Variants in GRIP2 observed in about 807,000 individuals in gnomAD.
The protein encoded by GRIP2 is glutamate receptor interacting protein 2.
A neutral mutation model predicts 108.3 loss-of-function variants in GRIP2; 58 were observed. The ratio of observed to expected loss-of-function variants is 0.54; its 90% CI spans 0.43 to 0.67. GRIP2 has a LOEUF of 0.67. GRIP2 is among the 30% of genes least tolerant of loss of function. The pLI is 0.00. For synonymous variants in GRIP2, 586 were observed against 598.2 expected, an observed-to-expected ratio of 0.98 and a Z score of 0.30; for missense variants, 1,278 against 1,430.6, an observed-to-expected ratio of 0.89 and a Z score of 1.72.
chr3:14,518,401 C>A (rs1265935273), intron 9 of GRIP2, among the ~76,000 whole-genome samples: 2 of 152,214 alleles, frequency 1.3e-5, no homozygotes, highest in Non-Finnish European at 2.9e-5. Context: ...ACAGCCTTTG[C>A]TCCAGGGCTT....
chr3:14,504,772 T>A (rs768221125), intron 20 of GRIP2, among the ~76,000 whole-genome samples: 1 of 152,188 alleles, frequency 6.6e-6, no homozygotes, highest in Non-Finnish European at 1.5e-5. Flanking sequence ...CTGAGCTAAG[T>A]CCTCTGCTGG....
chr3:14,580,737 C>T, the GRIP2 span, among the ~76,000 whole-genome samples: 1 of 152,170 alleles, frequency 6.6e-6, no homozygotes, highest in South Asian at 2.1e-4. Flanking sequence ...CCCAAAAACC[C>T]ACTTGACCAG....
rs534003519 is a variant in GRIP2, at chr3:14,500,252, A to G, written c.2679+3314T>C. 9.2e-5 allele frequency among the ~76,000 whole-genome samples: 14 copies of G among 152,322 alleles called. No homozygotes were observed. The South Asian group carries it at 2.7e-3, about 29-fold the overall frequency. ...AAATATGAAGGAAAAGTTAAGAGAC[A>G]TGGAGGGTAGAATGCATGGAGGACA... is the stretch of plus-strand genomic sequence containing the variant. On this transcript the variant is annotated intron_variant, in intron 21 of 23. Coordinates refer to ENST00000621039, the MANE Select transcript of GRIP2 (RefSeq NM_001080423.4).
At chr3:14,601,503 A>T in the GRIP2 span, among the ~76,000 whole-genome samples, 323 of 152,208 alleles carry the variant, frequency 2.1e-3, 1 homozygote, top group Admixed American at 2.4e-3. Context: ...TCTACCCTAA[A>T]GCTGCTCCAT....
intron 1 of GRIP2, among the ~76,000 whole-genome samples, chr3:14,532,800 G>C (rs1694744029): frequency 6.6e-6 from 1 of 151,866 alleles, no homozygotes; most frequent in Non-Finnish European, 1.5e-5. Context: ...CTGTAGAGTT[G>C]AGGGCGGGGC....
chr3:14,529,266 G>A (rs1694645600), intron 1 of GRIP2, among the ~76,000 whole-genome samples: 1 of 134,904 alleles, frequency 7.4e-6, no homozygotes, highest in African/African-American at 3.0e-5. Flanking sequence ...GCGACAGAGT[G>A]AGACTCCGTC....
At chr3:14,503,739 C>A (rs894649216) in intron 20 of GRIP2, 68 bp from the exon 21 acceptor site, 4 of 728,394 alleles carry the variant, frequency 5.5e-6, no homozygotes, top group Non-Finnish European at 8.0e-6. Context: ...CCTGAGGAGT[C>A]TTCGGGGCCC....
intron 1 of GRIP2, among the ~76,000 whole-genome samples, chr3:14,534,755 G>T (rs1485130711): frequency 6.6e-6 from 1 of 152,200 alleles, no homozygotes; most frequent in South Asian, 2.1e-4. Flanking sequence ...TGCAGCCGGG[G>T]TGGGTGGCCT....
the GRIP2 span, among the ~76,000 whole-genome samples, chr3:14,584,181 C>A: frequency 2.6e-5 from 4 of 152,334 alleles, no homozygotes; most frequent in African/African-American, 4.8e-5. Flanking sequence ...CTGTGACAAG[C>A]TGGAGAGAAA....
At chr3:14,541,106 T>G (rs1694960007), upstream of GRIP2, among the ~76,000 whole-genome samples, 1 of 152,232 alleles carries the variant, frequency 6.6e-6, no homozygotes, top group African/African-American at 2.4e-5. Flanking sequence ...CCTTGCACAC[T>G]CCTGGGATTC....
At chr3:14,596,273 CAG>C in the GRIP2 span, among the ~76,000 whole-genome samples, 1 of 152,234 alleles carries the variant, frequency 6.6e-6, no homozygotes, top group African/African-American at 2.4e-5. Context: ...CTTTGAGTAT[CAG>C]AGGCATCAAA....
In GRIP2 at chr3:14,506,912, C is replaced by A; in HGVS notation, c.2287G>T (p.Ala763Ser). ...TSDADEDPAD[A>S]LKGGLPAARF... ...GCTGCTGGCAGGCCTCCTTTCAGGG[C>A]ATCTGCTGGGTCCTCATCAGCATCA... Residue 763 changes from alanine to serine, a missense_variant, in exon 19 of 24, where the codon GCC (alanine) becomes TCC (serine). Transcript: ENST00000621039. 1 of 1,606,580 alleles carries A rather than the reference C, an allele frequency of 6.2e-7. No homozygotes were observed. The highest frequency in any genetic ancestry group is 8.5e-7 in the Non-Finnish European group (1 of 1,176,672).
the GRIP2 span, among the ~76,000 whole-genome samples, chr3:14,591,785 C>T: frequency 6.6e-5 from 10 of 152,164 alleles, no homozygotes; most frequent in Non-Finnish European, 1.2e-4. Context: ...TGGGAGTACA[C>T]GCCATTCAAG....
chr3:14,526,122 T>C, intron 1 of GRIP2, 191 bp from the exon 2 acceptor site: 1 of 621,524 alleles, frequency 1.6e-6, no homozygotes, highest in Non-Finnish European at 2.9e-6. Context: ...TGGCCCCTGC[T>C]CTTGGGGCTG....
upstream of GRIP2, chr3:14,540,343 C>T (rs367929445): frequency 4.0e-4 from 653 of 1,612,932 alleles, 9 homozygotes; most frequent in South Asian, 6.8e-3. The surrounding 1 kb of genome is among the most constrained non-coding windows in gnomAD (Gnocchi z 4.1). Flanking sequence ...CCACCAACTC[C>T]CTCGGGAGCC....
At chr3:14,537,904 C>T (rs1694871670) in intron 1 of GRIP2, among the ~76,000 whole-genome samples, 1 of 152,236 alleles carries the variant, frequency 6.6e-6, no homozygotes, top group African/African-American at 2.4e-5. Context: ...CTCCCGTCCT[C>T]AAGGCAGGAG....
rs763443255 is a variant in GRIP2 at position 14,513,666 on chromosome 3, C to T, written c.1638G>A (p.Ala546=). 101 of 1,608,212 alleles carry T rather than the reference C, an allele frequency of 6.3e-5. No homozygotes were observed. In the East Asian group the frequency reaches 6.5e-4, roughly 10 times the overall value. Residue 546 remains alanine, a splice_region_variant and synonymous_variant, in exon 13 of 24, where the codon GCG becomes GCA. Transcript: ENST00000621039. ...KVVLEVEFDV[A]ESVIPSSGTF... ...AGGAAGCTTGGGCCACTCACTCACC[C>T]GCCACATCGAACTCCACCTCCAGCA...
chr3:14,550,837 T>C (rs1428170487), intron 1 of GRIP2, among the ~76,000 whole-genome samples: 1 of 152,212 alleles, frequency 6.6e-6, no homozygotes, highest in Non-Finnish European at 1.5e-5. Flanking sequence ...GCAAGGATCT[T>C]GCCCAAGGTC....
upstream of GRIP2, among the ~76,000 whole-genome samples, chr3:14,544,897 C>CA (rs1695034858): frequency 6.6e-6 from 1 of 152,208 alleles, no homozygotes; most frequent in Admixed American, 6.5e-5. Flanking sequence ...GTCTTGTCCT[C>CA]ACTCTGTCCA....
Sources: allele counts gnomAD v4.1 joint callset (sites outside exome capture counted in the v4.1 genomes callset), GRCh38; gene constraint gnomAD v4.1.1; non-coding constraint Gnocchi (gnomAD v3.1); transcripts MANE v1.5; gene names NCBI Gene and HGNC (gene_info 2026-07-23, HGNC 2026-07-21).